WDR62: variants seen among roughly 807,000 people sequenced by gnomAD.
WDR62 encodes WD repeat domain 62, also known as WD repeat-containing protein 62.
In WDR62, 112 loss-of-function variants were observed where a neutral mutation model predicts 160.6. The observed-to-expected ratio is 0.70, with a 90% CI of 0.60 to 0.82. The LOEUF (loss-of-function observed/expected upper bound fraction) is 0.82. WDR62 is among the 40% of genes least tolerant of loss of function. The pLI, the probability that WDR62 is intolerant of heterozygous loss-of-function variation, is 0.00. For synonymous variants in WDR62, 792 were observed against 815.1 expected, an observed-to-expected ratio of 0.97 and a Z score of 0.48; for missense variants, 1,819 against 1,983.8, an observed-to-expected ratio of 0.92 and a Z score of 1.58.
At chr19:36,095,224 TTCA>T (rs1159819076) in intron 20 of WDR62, among the ~76,000 whole-genome samples, 2 of 152,200 alleles carry the variant, frequency 1.3e-5, no homozygotes, top group Non-Finnish European at 2.9e-5. Context: ...TCTGCTTTTC[TTCA>T]TGTTGGCTTT....
intron 9 of WDR62, 35 bp downstream of exon 9, chr19:36,073,566 G>A: frequency 6.4e-7 from 1 of 1,556,534 alleles, no homozygotes. Context: ...CCCCTGCTTG[G>A]CCTCTGCACA....
At chr19:36,068,430 C>T (rs1971062880) in intron 7 of WDR62, among the ~76,000 whole-genome samples, 1 of 151,890 alleles carries the variant, frequency 6.6e-6, no homozygotes. Flanking sequence ...GGTCTTAGGA[C>T]AATAGTGGAG....
At chr19:36,087,678 G>T (rs1056446745) in intron 13 of WDR62, among the ~76,000 whole-genome samples, 1 of 151,844 alleles carries the variant, frequency 6.6e-6, no homozygotes, top group East Asian at 1.9e-4. Context: ...AAGTAACCGG[G>T]CATGGTGGTG....
rs1971894431 is a variant in WDR62, at chr19:36,081,474, A to G, written c.1275A>G (p.Ser425=). ...AAGACCAGAGAGCTTGTTTGCCATC[A>G]GGATCCTTTCTGACTTGTTCTTCAG... is the stretch of plus-strand genomic sequence containing the variant. ...EFEDQRACLP[S]GSFLTCSSDN... is the part of the protein sequence containing the mutation. Residue 425 remains serine, a synonymous_variant, in exon 10 of 32, where the codon TCA becomes TCG. Coordinates refer to ENST00000401500, the MANE Select transcript of WDR62 (RefSeq NM_001083961.2). 1.9e-6 allele frequency: 3 copies of G among 1,614,172 alleles called. No homozygotes were observed. The East Asian group carries it at 6.7e-5, about 36-fold the overall frequency.
At chr19:36,062,971 A>G (rs1397729365) in intron 3 of WDR62, among the ~76,000 whole-genome samples, 1 of 149,702 alleles carries the variant, frequency 6.7e-6, no homozygotes, top group East Asian at 1.9e-4. Context: ...TTTCTTTTTG[A>G]GATGGAGTCT....
rs1196163644 is a variant in WDR62 at position 36,101,249 on chromosome 19, G to C, written c.2903G>C (p.Gly968Ala). 3.7e-6 allele frequency: 6 copies of C among 1,613,172 alleles called. No homozygotes were observed. In the African/African-American group the frequency reaches 5.3e-5, roughly 14 times the overall value. Residue 968 changes from glycine to alanine, a missense_variant, in exon 24 of 32, where the codon GGA becomes GCA. By Grantham distance (60) the Gly-to-Ala change is moderately conservative. Transcript: ENST00000401500. ...AGGAAGGAGGTGGAGGCCGGGCCTG[G>C]AGACCAGCAGGGCGACTCCTACCTC... The part of the protein sequence containing the change: ...YCRKEVEAGP[G>A]DQQGDSYLRV...
chr19:36,088,929 C>T (rs1367956274), intron 13 of WDR62, 109 bp from the exon 14 acceptor site: 5 of 1,297,696 alleles, frequency 3.9e-6, no homozygotes, highest in Non-Finnish European at 5.5e-6. Flanking sequence ...TTTAGGAAGC[C>T]TTGATCCCAG....
chr19:36,089,897 C>A (rs1244262654), intron 15 of WDR62, among the ~76,000 whole-genome samples: 1 of 152,234 alleles, frequency 6.6e-6, no homozygotes, highest in Non-Finnish European at 1.5e-5. Context: ...CCCTGAGCAC[C>A]TAACTGGGCT....
intron 19 of WDR62, 106 bp downstream of exon 19, chr19:36,092,917 C>T (rs1324576801): frequency 1.8e-5 from 28 of 1,523,112 alleles, no homozygotes; most frequent in African/African-American, 1.1e-4. Flanking sequence ...AGGCCCTGCC[C>T]TTAGCACACT....
chr19:36,081,686 A>G, intron 10 of WDR62, 116 bp downstream of exon 10: 2 of 1,433,478 alleles, frequency 1.4e-6, no homozygotes, highest in South Asian at 1.2e-5. Context: ...CATGAGGGCA[A>G]GAGCCGGCAA....
chr19:36,068,139 G>T, intron 7 of WDR62, 129 bp downstream of exon 7: 1 of 1,175,784 alleles, frequency 8.5e-7, no homozygotes, highest in Non-Finnish European at 1.2e-6. Context: ...CCCACTCTCT[G>T]AGCTTAAGGT....
Position 36,100,835 on chromosome 19 carries a change from T to G in WDR62, c.2827T>G (p.Tyr943Asp). ...ESSEASELILYSLEAEVTVTG... is the reference protein window; with the variant it reads ...ESSEASELILDSLEAEVTVTG... ...ATCTGAGGCCAGTGAGCTCATCCTC[T>G]ACTCTCTGGAGGCAGAAGTGACAGT... is the stretch of plus-strand genomic sequence containing the variant. The change falls in exon 23 of 32, where the codon TAC (tyrosine) becomes GAC (aspartate). Residue 943 changes from tyrosine to aspartate, a missense_variant. Tyr to Asp is a radical substitution (Grantham distance 160, BLOSUM62 -3). Coordinates refer to ENST00000401500, the MANE Select transcript of WDR62 (RefSeq NM_001083961.2). 6.2e-7 allele frequency: 1 copy of G among 1,614,212 alleles called. No homozygotes were observed. The highest frequency in any genetic ancestry group is 8.5e-7 in the Non-Finnish European group (1 of 1,180,018).
chr19:36,055,263 C>G (rs1970296622), intron 1 of WDR62, 115 bp downstream of exon 1: 5 of 1,141,184 alleles, frequency 4.4e-6, no homozygotes, highest in Non-Finnish European at 6.3e-6. Context: ...TCAGGTTGTT[C>G]CCTGCCATGC....
intron 2 of WDR62, among the ~76,000 whole-genome samples, chr19:36,059,543 G>A (rs989351122): frequency 2.0e-5 from 3 of 152,044 alleles, no homozygotes; most frequent in African/African-American, 4.8e-5. Context: ...GTGCTCAAGC[G>A]ATCCTCCCAT....
chr19:36,094,423 G>C (rs958902368), intron 20 of WDR62, among the ~76,000 whole-genome samples: 1 of 151,830 alleles, frequency 6.6e-6, no homozygotes, highest in Admixed American at 6.6e-5. Context: ...GCGTGGTGGC[G>C]TGCAACTATA....
chr19:36,089,994 C>T (rs1972490599), intron 15 of WDR62, among the ~76,000 whole-genome samples: 1 of 152,244 alleles, frequency 6.6e-6, no homozygotes, highest in African/African-American at 2.4e-5. Context: ...GACACGGCCA[C>T]CTCACAGCCA....
At position 36,071,719 on chromosome 19, in the gene WDR62, A is replaced by G. The variant is rs587784541; in HGVS notation, c.1043+3A>G. On this transcript the variant is annotated splice_donor_region_variant and intron_variant, in intron 8 of 31. Coordinates refer to ENST00000401500, the MANE Select transcript of WDR62 (RefSeq NM_001083961.2). The stretch of plus-strand genomic sequence containing the variant: ...GTGGCACAGGGCCTGGAGCCCAGGT[A>G]CTGCCCTGTGGGGAGAGGGAATGGG... 193 of 1,612,136 alleles carry G rather than the reference A, an allele frequency of 1.2e-4. No individual in the cohort carries two copies. Among genetic ancestry groups the G allele is most frequent in the Non-Finnish European group, 1.6e-4 (192 of 1,178,706 alleles).
rs73034086 is a variant in WDR62, at chr19:36,058,062, T to G, written c.178-718T>G. Among the ~76,000 whole-genome samples, 1,177 of 152,224 alleles carry G rather than the reference T, an allele frequency of 7.7e-3. 7 individuals carry two copies. Among genetic ancestry groups the G allele is most frequent in the Non-Finnish European group, 0.01 (687 of 68,016 alleles). On this transcript the variant is annotated intron_variant, in intron 1 of 31. Transcript: ENST00000401500. ...TTCAAGTCTTTTATACATATAAAAG[T>G]ACTAAGAGGCCGGGCACAGTGGCTC...
At position 36,102,819 on chromosome 19, in the gene WDR62, G is replaced by A. The variant is rs117887683; in HGVS notation, c.3303G>A (p.Thr1101=). ...TCAACCCACGCCTGAGTATCTCCAC[G>A]CAGTTCCTCTCAAGCCTCCAGAAGG... The part of the protein sequence containing the change: ...HFFNPRLSIS[T]QFLSSLQKAS... The change falls in exon 27 of 32, where the codon ACG becomes ACA. Residue 1101 remains threonine (T), a synonymous_variant. Coordinates refer to ENST00000401500, the MANE Select transcript of WDR62 (RefSeq NM_001083961.2). The A allele has an allele frequency of 1.2e-3, 1,921 of 1,614,190 alleles. 1 individual carries two copies. Among genetic ancestry groups the A allele is most frequent in the Non-Finnish European group, 1.5e-3 (1,761 of 1,180,028 alleles).
Sources: gnomAD v4.1 joint callset for allele counts (sites outside exome capture counted in the v4.1 genomes callset) on GRCh38, gnomAD v4.1.1 for gene constraint, MANE v1.5 for transcripts, NCBI Gene and HGNC (gene_info 2026-07-23, HGNC 2026-07-21) for gene names.